The following LMF2 variants were observed in gnomAD, a reference collection of about 807,000 sequenced individuals.
The protein encoded by LMF2 is lipase maturation factor 2, also known as transmembrane protein 112B.
A neutral mutation model predicts 81.5 loss-of-function variants in LMF2; 113 were observed. The observed-to-expected ratio is 1.39, with a 90% CI of 1.19 to 1.62. LMF2 has a LOEUF of 1.62. Among genes scored for constraint, LMF2 ranks in the 40% most tolerant of loss-of-function variants. The pLI, the probability that LMF2 is intolerant of heterozygous loss-of-function variation, is 0.00. For missense variants in LMF2, 1,235 were observed against 929.1 expected, an observed-to-expected ratio of 1.33 and a Z score of -4.28; for synonymous variants, 645 against 424.5, an observed-to-expected ratio of 1.52 and a Z score of -6.39.
chr22:50,503,798 ACC>A lies in LMF2; in HGVS notation c.1815+8_1815+9del, dbSNP rs746986332. On this transcript the variant is annotated splice_region_variant and intron_variant, in intron 13 of 13. Transcript: ENST00000474879. ...TGCCACCTCCCCCAGCCTGGCTGAC[ACC>A]CCCTTACCTGTAGTCCAAACTGCCT... 6.2e-7 allele frequency: 1 copy of A among 1,601,662 alleles called. No individual in the cohort carries two copies. The highest frequency in any genetic ancestry group is 1.3e-5 in the African/African-American group (1 of 74,538).
rs543336339 is a variant in LMF2, at chr22:50,503,159, C to G, written c.*232G>C. On this transcript the variant is annotated 3_prime_UTR_variant, in exon 14 of 14. Coordinates refer to ENST00000474879, the MANE Select transcript of LMF2 (RefSeq NM_033200.3). ...GTCTTGAGCTTGGTCGTGTTTTCCTCCTGGGCCAATCACAGAGGCAATAGT... is the reference window on the plus strand; with the variant it reads ...GTCTTGAGCTTGGTCGTGTTTTCCTGCTGGGCCAATCACAGAGGCAATAGT... 3.8e-6 allele frequency: 2 copies of G among 529,226 alleles called. No homozygotes were observed. The highest frequency in any genetic ancestry group is 3.8e-5 in the Admixed American group (1 of 26,094). The allele number at this position is 529,226 out of a possible 1,614,324, so 32.8% of individuals were successfully genotyped here. A position where few individuals can be genotyped will look rare whatever the true frequency, so the allele number is the denominator to read the frequency against.
rs755631961 is a variant in LMF2, at chr22:50,506,151, G to A, written c.658C>T (p.Leu220=). The change falls in exon 5 of 14, where the codon CTG becomes TTG. Residue 220 remains leucine (L), a synonymous_variant. Coordinates refer to ENST00000474879, the MANE Select transcript of LMF2 (RefSeq NM_033200.3). The stretch of plus-strand genomic sequence containing the variant: ...CTGAGCTTGTGCAGCCAGACCGGCA[G>A]GTGGTGTGCGAACCAGGCGGCGGGC... ...PTPAAWFAHH[L]PVWLHKLSVV... is the part of the protein sequence containing the mutation. The A allele has an allele frequency of 1.5e-5, 24 of 1,570,494 alleles. No homozygotes were observed. The highest frequency in any genetic ancestry group is 2.3e-5 in the East Asian group (1 of 42,976).
In LMF2 at chr22:50,507,586, G is replaced by A; in HGVS notation, c.90C>T (p.Ile30=). 1 of 1,561,568 alleles carries A rather than the reference G, an allele frequency of 6.4e-7. No individual in the cohort carries two copies. Among genetic ancestry groups the A allele is most frequent in the Non-Finnish European group, 8.7e-7 (1 of 1,153,214 alleles). ...TCCCACCCTGGGTGCCTTCACCTGG[G>A]ATTTGCGTGTAGAGGGAAGCGAAAG... The part of the protein sequence containing the change: ...MFAFASLYTQ[I]PGLYGPEGIL... Residue 30 remains isoleucine (I), a synonymous_variant, in exon 1 of 14, where the codon ATC becomes ATT. Coordinates refer to ENST00000474879, the MANE Select transcript of LMF2 (RefSeq NM_033200.3).
rs1255011238 is a variant in LMF2 at position 50,505,479 on chromosome 22, C to T, written c.975G>A (p.Gly325=). ...AGTGCACAGTGCCATAGGCCAGAAG[C>T]CCGTAGACGGCTAGTTCCAGCAGCA... ...LSLLLELAVY[G]LLAYGTVHYF... is the part of the protein sequence containing the mutation. The change falls in exon 7 of 14, where the codon GGG becomes GGA. Residue 325 remains glycine, a synonymous_variant. Coordinates refer to ENST00000474879, the MANE Select transcript of LMF2 (RefSeq NM_033200.3). The T allele has an allele frequency of 1.2e-6, 2 of 1,612,884 alleles. No homozygotes were observed. Among genetic ancestry groups the T allele is most frequent in the East Asian group, 2.2e-5 (1 of 44,886 alleles).
At chr22:50,505,899 C>T (rs45577642) in intron 5 of LMF2, 84 bp from the exon 6 acceptor site, 46,413 of 1,583,756 alleles carry the variant, frequency 0.029, 836 homozygotes, top group Middle Eastern at 0.09. Context: ...CAGGGTGCAT[C>T]CCTCTGCTAC....
Position 50,504,620 on chromosome 22 carries a change from T to C in LMF2, c.1545A>G (p.Pro515=). The change falls in exon 11 of 14, where the codon CCA becomes CCG. Residue 515 remains proline, a synonymous_variant. Transcript: ENST00000474879. ...TTGTGAACCACGGGCTGTGCGTGTG[T>C]GGGCCCAGGGCTGCAAACCACATCT... ...DWQMWFAALG[P]HTHSPWFTSL... is the part of the protein sequence containing the mutation. 2.5e-6 allele frequency: 4 copies of C among 1,607,454 alleles called. No homozygotes were observed. The highest frequency in any genetic ancestry group is 3.4e-6 in the Non-Finnish European group (4 of 1,179,264).
In LMF2 at chr22:50,505,865, T is replaced by G. The variant is rs767572974; in HGVS notation, c.775-50A>C. 1.9e-6 allele frequency: 3 copies of G among 1,605,400 alleles called. No individual in the cohort carries two copies. In the South Asian group the frequency reaches 3.3e-5, roughly 18 times the overall value. On this transcript the variant is annotated intron_variant, in intron 5 of 13. Transcript: ENST00000474879. ...TCCCGGAGACTGACGCCTGGCCCCG[T>G]GGCAGGCACCCACCTCCACCCTGCA...
Position 50,507,021 on chromosome 22 carries a change from C to T in LMF2, c.109G>A (p.Glu37Lys), listed in dbSNP as rs1353268143. ...GTCCTCCTTGCAGGTAGGATGCCCT[C>T]GGGGCCATACAGGCCTGTGGGAGGG... ...YTQIPGLYGP[E>K]GILPARRTLR... Residue 37 changes from glutamate to lysine, a missense_variant, in exon 2 of 14, where the codon GAG becomes AAG. Physicochemically the swap from Glu to Lys is moderately conservative, Grantham distance 56 (BLOSUM62 1). Transcript: ENST00000474879. The T allele has an allele frequency of 2.5e-6, 4 of 1,594,946 alleles. No homozygotes were observed. The highest frequency in any genetic ancestry group is 4.5e-5 in the East Asian group (2 of 44,802).
Position 50,507,653 on chromosome 22 carries a change from C to T in LMF2, c.23G>A (p.Arg8Gln). 1 of 1,550,634 alleles carries T rather than the reference C, an allele frequency of 6.4e-7. No individual in the cohort carries two copies. The highest frequency in any genetic ancestry group is 2.0e-5 in the Admixed American group (1 of 51,010). The change falls in exon 1 of 14, where the codon CGG becomes CAG. Residue 8 changes from arginine (R) to glutamine (Q), a missense_variant. Physicochemically the swap from Arg to Gln is conservative, Grantham distance 43. Transcript: ENST00000474879. Reference sequence around the variant, plus strand: ...CGCCACGCCCTGGAGGAAGAGCTGCCGCGGGAGCCGGGAGCCCGCCATGTC... The same window carrying T: ...CGCCACGCCCTGGAGGAAGAGCTGCTGCGGGAGCCGGGAGCCCGCCATGTC... MAGSRLP[R>Q]QLFLQGVAAV...
At position 50,506,532 on chromosome 22, in the gene LMF2, C is replaced by A. The variant is rs373824274; in HGVS notation, c.378-30G>T. On this transcript the variant is annotated intron_variant, in intron 3 of 13. Coordinates refer to ENST00000474879, the MANE Select transcript of LMF2 (RefSeq NM_033200.3). ...GGGGAGAGCAAATAGCACCAAGAGC[C>A]CCTCCCCACACAGCTGCTTCCCTCG... is the stretch of plus-strand genomic sequence containing the variant. 67 of 1,569,778 alleles carry A rather than the reference C, an allele frequency of 4.3e-5. No individual in the cohort carries two copies. The African/African-American group carries it at 8.5e-4, about 20-fold the overall frequency.
chr22:50,503,853 CA>C lies in LMF2; in HGVS notation c.1769del (p.Leu590ArgfsTer67). 1 of 1,606,332 alleles carries C rather than the reference CA, an allele frequency of 6.2e-7. No individual in the cohort carries two copies. The highest frequency in any genetic ancestry group is 8.5e-7 in the Non-Finnish European group (1 of 1,179,514). ...GCAGCGTCTCCAGCGTGGGGTCCCC[CA>C]GGGACACGGATGGGAAGAACTCCTC... ...WVEEFFPSVSLGDPTLETLLR... is the reference protein window; with the variant it reads ...WVEEFFPSVSXGDPTLETLLR... On this transcript the variant is annotated frameshift_variant, in exon 13 of 14. Coordinates refer to ENST00000474879, the MANE Select transcript of LMF2 (RefSeq NM_033200.3). LOFTEE classifies it low-confidence loss of function (END_TRUNC).
chr22:50,503,549 G>C lies in LMF2; in HGVS notation c.1966C>G (p.Leu656Val). ...GAGGACCGGAGAGAACAGGGTGCTA[G>C]CAGGGCTTGCACAAATCTGACAGCC... is the stretch of plus-strand genomic sequence containing the variant. The part of the protein sequence containing the change: ...VGAVRFVQAL[L>V]APCSLRSSPL... Residue 656 changes from leucine to valine, a missense_variant, in exon 14 of 14, where the codon CTA becomes GTA. Physicochemically the swap from Leu to Val is conservative, Grantham distance 32 (BLOSUM62 1). Coordinates refer to ENST00000474879, the MANE Select transcript of LMF2 (RefSeq NM_033200.3). 6.4e-7 allele frequency: 1 copy of C among 1,555,366 alleles called. No homozygotes were observed. Among genetic ancestry groups the C allele is most frequent in the Non-Finnish European group, 8.7e-7 (1 of 1,153,828 alleles).
Position 50,504,908 on chromosome 22 carries a change from T to G in LMF2, c.1331A>C (p.Glu444Ala). ...TGAHRLFGAV[E>A]HLQLANSYGL... Reference sequence around the variant, plus strand: ...GTAGGAGTTGGCCAGCTGTAGGTGCTCCACGGCACCAAACAGGCGGTGGGC... The same window carrying G: ...GTAGGAGTTGGCCAGCTGTAGGTGCGCCACGGCACCAAACAGGCGGTGGGC... The change falls in exon 10 of 14, where the codon GAG becomes GCG. Residue 444 changes from glutamate to alanine, a missense_variant. Coordinates refer to ENST00000474879, the MANE Select transcript of LMF2 (RefSeq NM_033200.3). The G allele has an allele frequency of 6.2e-7, 1 of 1,608,886 alleles. No homozygotes were observed. Among genetic ancestry groups the G allele is most frequent in the Non-Finnish European group, 8.5e-7 (1 of 1,177,962 alleles).
Position 50,506,654 on chromosome 22 carries a change from A to C in LMF2, c.361T>G (p.Phe121Val). 1.2e-6 allele frequency: 2 copies of C among 1,613,326 alleles called. No homozygotes were observed. The highest frequency in any genetic ancestry group is 1.7e-6 in the Non-Finnish European group (2 of 1,179,828). Residue 121 changes from phenylalanine to valine, a missense_variant, in exon 3 of 14, where the codon TTC (phenylalanine) becomes GTC (valine). Transcript: ENST00000474879. ...GTCACTCACCACTGGAAATAAAGGA[A>C]CACCTGGCCCACCTGCGGAGAGAGG... ...YLSACQVGQV[F>V]LYFQWDSLLL...
Position 50,506,489 on chromosome 22 carries a change from G to T in LMF2, c.391C>A (p.Leu131Ile). 6.4e-7 allele frequency: 1 copy of T among 1,556,414 alleles called. No homozygotes were observed. Residue 131 changes from leucine to isoleucine, a missense_variant, in exon 4 of 14, where the codon CTA (leucine) becomes ATA (isoleucine). Leu to Ile is a conservative substitution (Grantham distance 5). Coordinates refer to ENST00000474879, the MANE Select transcript of LMF2 (RefSeq NM_033200.3). ...FLYFQWDSLL[L>I]ETGFLAVLVA... ...AGCACGGCCAGGAAGCCAGTCTCTA[G>T]CAGCAGGGAGTCCCTATGGGGAGAG...
chr22:50,506,347 A>C lies in LMF2; in HGVS notation c.533T>G (p.Leu178Arg). Residue 178 changes from leucine to arginine, a missense_variant, in exon 4 of 14, where the codon CTC (leucine) becomes CGC (arginine). Coordinates refer to ENST00000474879, the MANE Select transcript of LMF2 (RefSeq NM_033200.3). The stretch of plus-strand genomic sequence containing the variant: ...CTTGACCACGCCTGAGGCGAACATG[A>C]GGCGGAACAGCAGCCATCGCACCAG... ...FWLVRWLLFRLMFASGVVKLT... is the reference protein window; with the variant it reads ...FWLVRWLLFRRMFASGVVKLT... The C allele has an allele frequency of 6.5e-7, 1 of 1,549,662 alleles. No individual in the cohort carries two copies. Among genetic ancestry groups the C allele is most frequent in the Non-Finnish European group, 8.7e-7 (1 of 1,146,870 alleles).
Position 50,505,139 on chromosome 22 carries a change from C to G in LMF2, c.1172G>C (p.Arg391Pro), listed in dbSNP as rs748623430. Reference sequence around the variant, plus strand: ...AGCACTGAGCTTCCGTAGCCAGCCCCGCACCTGGGTCCACCTGTGGGCAAG... The same window carrying G: ...AGCACTGAGCTTCCGTAGCCAGCCCGGCACCTGGGTCCACCTGTGGGCAAG... ...LSALWRWTQV[R>P]GWLRKLSAVV... Residue 391 changes from arginine to proline, a missense_variant, in exon 9 of 14, where the codon CGG becomes CCG. Physicochemically the swap from Arg to Pro is moderately radical, Grantham distance 103. Transcript: ENST00000474879. 30 of 1,612,942 alleles carry G rather than the reference C, an allele frequency of 1.9e-5. No individual in the cohort carries two copies. The highest frequency in any genetic ancestry group is 2.5e-5 in the Non-Finnish European group (30 of 1,179,986).
rs770881323 is a variant in LMF2, at chr22:50,504,408, G to A, written c.1650C>T (p.His550=). 10 of 1,612,342 alleles carry A rather than the reference G, an allele frequency of 6.2e-6. No homozygotes were observed. The African/African-American group carries it at 8.0e-5, about 13-fold the overall frequency. The stretch of plus-strand genomic sequence containing the variant: ...CTCGGACGTAGGTGGGCGGCTGCTT[G>A]TGGAAGGGATACCTGGCCACTTGGC... ...VQSQVARYPF[H]KQPPTYVRAQ... The change falls in exon 12 of 14, where the codon CAC becomes CAT. Residue 550 remains histidine, a synonymous_variant. Coordinates refer to ENST00000474879, the MANE Select transcript of LMF2 (RefSeq NM_033200.3).
chr22:50,505,887 T>A (rs566717558), intron 5 of LMF2, 72 bp from the exon 6 acceptor site: 2 of 1,593,760 alleles, frequency 1.3e-6, no homozygotes, highest in East Asian at 2.2e-5. Context: ...ACCTCCACCC[T>A]GCAGGGTGCA....
Sources: gnomAD v4.1 joint callset for allele counts on GRCh38, gnomAD v4.1.1 for gene constraint, MANE v1.5 for transcripts, NCBI Gene and HGNC (gene_info 2026-07-23, HGNC 2026-07-21) for gene names.